The following LRRTM4 variants were observed in gnomAD, a reference collection of about 807,000 sequenced individuals.
The protein encoded by LRRTM4 is leucine-rich repeat transmembrane neuronal protein 4.
In LRRTM4, 25 loss-of-function variants were observed where a neutral mutation model predicts 47.6. That is an observed-to-expected ratio of 0.53 (90% CI 0.38 to 0.73). The LOEUF is 0.73. LRRTM4 is among the 30% of genes least tolerant of loss of function. The pLI, the probability that LRRTM4 is intolerant of heterozygous loss-of-function variation, is 0.00. For missense variants in LRRTM4, 638 were observed against 713.4 expected, an observed-to-expected ratio of 0.89 and a Z score of 1.20; for synonymous variants, 311 against 269.5, an observed-to-expected ratio of 1.15 and a Z score of -1.51.
intron 3 of LRRTM4, among the ~76,000 whole-genome samples, chr2:76,954,607 G>C (rs897229928): frequency 1.3e-5 from 2 of 151,630 alleles, no homozygotes; most frequent in Non-Finnish European, 2.9e-5. Context: ...AGAGAGAAAG[G>C]GCCAGAAAGC....
At chr2:76,873,004 C>G (rs1424913493) in intron 3 of LRRTM4, among the ~76,000 whole-genome samples, 1 of 152,086 alleles carries the variant, frequency 6.6e-6, no homozygotes, top group Non-Finnish European at 1.5e-5. Flanking sequence ...TGATGCCATG[C>G]TTCTTGTATA....
chr2:76,907,304 G>C (rs1490085526), intron 3 of LRRTM4, among the ~76,000 whole-genome samples: 1 of 150,420 alleles, frequency 6.6e-6, no homozygotes, highest in Non-Finnish European at 1.5e-5. Context: ...CGAGAACAAA[G>C]ACACAACATA....
chr2:77,059,615 T>C (rs943246408), intron 3 of LRRTM4, among the ~76,000 whole-genome samples: 7 of 152,176 alleles, frequency 4.6e-5, no homozygotes, highest in African/African-American at 1.7e-4. Flanking sequence ...TACATGGGAT[T>C]CCTTAAACCT....
intron 3 of LRRTM4, among the ~76,000 whole-genome samples, chr2:77,013,737 G>C (rs1677958051): frequency 6.6e-6 from 1 of 152,150 alleles, no homozygotes; most frequent in African/African-American, 2.4e-5. Context: ...AGAAGAACTG[G>C]AAGCAAAATC....
intron 3 of LRRTM4, among the ~76,000 whole-genome samples, chr2:77,323,298 G>A (rs1477635287): frequency 1.3e-5 from 2 of 152,142 alleles, no homozygotes; most frequent in African/African-American, 2.4e-5. Flanking sequence ...AAAGAGGCCA[G>A]CATTTTATTG....
At chr2:77,083,462 C>G (rs949603046) in intron 3 of LRRTM4, among the ~76,000 whole-genome samples, 2 of 152,106 alleles carry the variant, frequency 1.3e-5, no homozygotes, top group South Asian at 4.1e-4. Flanking sequence ...ACATATTTCA[C>G]CAACCATTGA....
chr2:76,856,526 A>G (rs573695674), intron 3 of LRRTM4, among the ~76,000 whole-genome samples: 1 of 152,272 alleles, frequency 6.6e-6, no homozygotes, highest in East Asian at 1.9e-4. Context: ...GATTTCTAGG[A>G]ATCTCAATTA....
intron 3 of LRRTM4, among the ~76,000 whole-genome samples, chr2:76,940,028 C>G (rs955574325): frequency 3.3e-5 from 5 of 151,994 alleles, no homozygotes; most frequent in African/African-American, 1.2e-4. Flanking sequence ...GAAATGCTTA[C>G]ACACTCTTGG....
chr2:77,188,721 A>C (rs1183591619), intron 3 of LRRTM4, among the ~76,000 whole-genome samples: 1 of 152,138 alleles, frequency 6.6e-6, no homozygotes, highest in African/African-American at 2.4e-5. Context: ...ACATTCAGCC[A>C]TCTTTTCAAT....
intron 3 of LRRTM4, among the ~76,000 whole-genome samples, chr2:76,988,208 G>A (rs1467146206): frequency 6.6e-6 from 1 of 151,368 alleles, no homozygotes; most frequent in African/African-American, 2.4e-5. Context: ...CTATTTTTTT[G>A]TCATTGATAT....
At chr2:77,387,633 T>A (rs1284962509) in intron 3 of LRRTM4, among the ~76,000 whole-genome samples, 1 of 152,130 alleles carries the variant, frequency 6.6e-6, no homozygotes. Context: ...GGACCCTTCA[T>A]GTGTCTTCTG....
intron 3 of LRRTM4, among the ~76,000 whole-genome samples, chr2:76,913,016 T>C (rs940681859): frequency 6.6e-6 from 1 of 152,190 alleles, no homozygotes; most frequent in Non-Finnish European, 1.5e-5. Flanking sequence ...AACGGACTGA[T>C]ATAGGGGTCC....
chr2:77,274,263 C>G (rs780711324), intron 3 of LRRTM4, among the ~76,000 whole-genome samples: 28 of 152,050 alleles, frequency 1.8e-4, no homozygotes, highest in Non-Finnish European at 3.7e-4. Flanking sequence ...GGTTAATGAG[C>G]ATCCAGATGA....
chr2:76,881,437 G>A (rs991277955), intron 3 of LRRTM4, among the ~76,000 whole-genome samples: 2 of 148,976 alleles, frequency 1.3e-5, no homozygotes, highest in South Asian at 2.1e-4. Flanking sequence ...CTAAGAATAA[G>A]ACTTTTTTGA....
intron 3 of LRRTM4, among the ~76,000 whole-genome samples, chr2:77,062,009 A>T (rs1374994309): frequency 6.6e-6 from 1 of 152,332 alleles, no homozygotes; most frequent in East Asian, 1.9e-4. Flanking sequence ...CAGTACGATG[A>T]AAATAGCTAA....
intron 3 of LRRTM4, among the ~76,000 whole-genome samples, chr2:76,920,592 T>C (rs1161339835): frequency 6.6e-6 from 1 of 152,064 alleles, no homozygotes; most frequent in Non-Finnish European, 1.5e-5. Flanking sequence ...GTCAACTTGA[T>C]TTATTTGTAA....
chr2:77,515,583 G>C (rs1679175100), intron 3 of LRRTM4, among the ~76,000 whole-genome samples: 1 of 151,578 alleles, frequency 6.6e-6, no homozygotes, highest in South Asian at 2.1e-4. Context: ...TTATTGGGTA[G>C]AGTTTGGTGT....
At chr2:76,983,304 T>C (rs1676677166) in intron 3 of LRRTM4, among the ~76,000 whole-genome samples, 1 of 152,058 alleles carries the variant, frequency 6.6e-6, no homozygotes, top group African/African-American at 2.4e-5. Context: ...ACAGTAGGGA[T>C]ATGGTTTGGC....
chr2:77,158,290 G>A lies in LRRTM4; in HGVS notation c.1551+360028C>T, dbSNP rs138716304. 2.8e-3 allele frequency among the ~76,000 whole-genome samples: 420 copies of A among 152,188 alleles called. 1 individual carries two copies. Among genetic ancestry groups the A allele is most frequent in the Middle Eastern group, 6.8e-3 (2 of 294 alleles). ...TCAAAAAATATAGAGATTTAATTTTGTATTTCCCACTAGGAGTGTGGATTT... is the reference window on the plus strand; with the variant it reads ...TCAAAAAATATAGAGATTTAATTTTATATTTCCCACTAGGAGTGTGGATTT... On this transcript the variant is annotated intron_variant, in intron 3 of 3. Coordinates refer to ENST00000409884, the MANE Select transcript of LRRTM4 (RefSeq NM_001134745.3).
Sources: allele counts gnomAD v4.1 joint callset (sites outside exome capture counted in the v4.1 genomes callset), GRCh38; gene constraint gnomAD v4.1.1; transcripts MANE v1.5; gene names NCBI Gene and HGNC (gene_info 2026-07-23, HGNC 2026-07-21).